The following REPS2 variants were observed in gnomAD, a reference collection of about 807,000 sequenced individuals.
REPS2 encodes RALBP1 associated Eps domain containing 2, also known as ralBP1-associated Eps domain-containing protein 2.
Under a neutral mutation model 53.6 loss-of-function variants are expected in REPS2, and 23 were observed. The observed-to-expected ratio is 0.43, with a 90% CI of 0.31 to 0.61. REPS2 has a LOEUF of 0.61. REPS2 is among the 20% of genes least tolerant of loss of function. The probability of loss-of-function intolerance (pLI) is 0.11; values close to 1 mark genes in which losing one functional copy is unlikely to be tolerated. For missense variants in REPS2, 446 were observed against 534.9 expected (o/e 0.83, Z 1.64); for synonymous variants, 238 against 218.6 (o/e 1.09, Z -0.78).
intron 2 of REPS2, among the ~76,000 whole-genome samples, chrX:17,020,631 C>CTT (rs11405255): frequency 1.7e-4 from 17 of 102,674 alleles, no homozygotes; most frequent in Non-Finnish European, 2.8e-4. Flanking sequence ...TTGCCTGCTT[C>CTT]TTTTTTTTTT....
the REPS2 span, among the ~76,000 whole-genome samples, chrX:17,181,035 GT>G: frequency 1.8e-5 from 2 of 111,830 alleles, no homozygotes; most frequent in Non-Finnish European, 3.8e-5. Context: ...CTCCCACTCA[GT>G]TCTTCCTTGC....
chrX:17,102,537 C>CTG (rs1485285538), intron 13 of REPS2, among the ~76,000 whole-genome samples: 1 of 112,245 alleles, frequency 8.9e-6, no homozygotes, highest in Non-Finnish European at 1.9e-5. Context: ...CTCACCACCT[C>CTG]TGGAGTTTTA....
At chrX:17,016,760 C>CTTTTTTT (rs139092298) in intron 2 of REPS2, among the ~76,000 whole-genome samples, 238 of 63,477 alleles carry the variant, frequency 3.7e-3, no homozygotes, top group Non-Finnish European at 5.8e-3. Context: ...TTTCTTTTTT[C>CTTTTTTT]TTTTTTTTTT....
chrX:17,030,861 C>T (rs764510191), intron 5 of REPS2, among the ~76,000 whole-genome samples: 1 of 111,945 alleles, frequency 8.9e-6, no homozygotes, highest in African/African-American at 3.2e-5. Flanking sequence ...ATTACTTTGT[C>T]CTACATTAGA....
At chrX:17,158,452 T>C in the REPS2 span, among the ~76,000 whole-genome samples, 30 of 111,506 alleles carry the variant, frequency 2.7e-4, no homozygotes, top group African/African-American at 9.8e-4. Context: ...TGCAGAAAAA[T>C]TAATTCAATA....
At chrX:17,007,792 A>G (rs1338070331) in intron 2 of REPS2, among the ~76,000 whole-genome samples, 1 of 111,872 alleles carries the variant, frequency 8.9e-6, no homozygotes, top group Non-Finnish European at 1.9e-5. Flanking sequence ...GCAAGTCTCT[A>G]CTATGGTTAT....
chrX:17,012,604 G>A (rs926201696), intron 2 of REPS2, among the ~76,000 whole-genome samples: 1 of 109,743 alleles, frequency 9.1e-6, no homozygotes, highest in African/African-American at 3.3e-5. Flanking sequence ...TAGTCCCTTT[G>A]GGAGCCTGTG....
chrX:17,001,179 T>C (rs1161920619), intron 1 of REPS2, among the ~76,000 whole-genome samples: 1 of 112,651 alleles, frequency 8.9e-6, no homozygotes. Flanking sequence ...CCTAGAAAAT[T>C]AGTATTTAAC....
rs1367930317 is a variant in REPS2 at position 17,135,327 on chromosome X, A to G, written c.1729A>G (p.Thr577Ala). The stretch of plus-strand genomic sequence containing the variant: ...GAAATTCAGACCAGAAAACCAAGCT[A>G]CAGAAAACCAAGAGCCTTCCACTGC... ...RRKFRPENQA[T>A]ENQEPSTAAS... The change falls in exon 16 of 18, where the codon ACA becomes GCA. Residue 577 changes from threonine to alanine, a missense_variant. Transcript: ENST00000357277. The G allele has an allele frequency of 1.7e-6, 2 of 1,211,906 alleles. No individual in the cohort carries two copies. The highest frequency in any genetic ancestry group is 2.2e-5 in the Admixed American group (1 of 46,090).
chrX:17,056,962 A>G (rs112983316), intron 8 of REPS2, among the ~76,000 whole-genome samples: 2,883 of 111,884 alleles, frequency 0.026, 99 homozygotes, highest in African/African-American at 0.09. Flanking sequence ...TTGGGAGAGT[A>G]GAAAAATTAA....
At chrX:16,990,563 T>C (rs2061150410) in intron 1 of REPS2, among the ~76,000 whole-genome samples, 1 of 107,501 alleles carries the variant, frequency 9.3e-6, no homozygotes, top group Non-Finnish European at 1.9e-5. Context: ...TGAGCTGAGA[T>C]TGTGCCACTG....
At chrX:16,997,372 T>A (rs2061246257) in intron 1 of REPS2, among the ~76,000 whole-genome samples, 1 of 112,338 alleles carries the variant, frequency 8.9e-6, no homozygotes, top group South Asian at 3.7e-4. Context: ...TCTTTCCTTC[T>A]AAACCAGTGG....
Position 17,148,509 on chromosome X carries a change from T to G in REPS2, c.*1028T>G, listed in dbSNP as rs773806062. ...ACCTGGATTGCAAATGTATGGGGTATGAGGAGATAATGAAAGAAAAGTGGT... is the reference window on the plus strand; with the variant it reads ...ACCTGGATTGCAAATGTATGGGGTAGGAGGAGATAATGAAAGAAAAGTGGT... On this transcript the variant is annotated 3_prime_UTR_variant, in exon 18 of 18. Coordinates refer to ENST00000357277, the MANE Select transcript of REPS2 (RefSeq NM_004726.3). The G allele has an allele frequency of 8.7e-6, 1 of 114,506 alleles. No individual in the cohort carries two copies. Among genetic ancestry groups the G allele is most frequent in the African/African-American group, 3.2e-5 (1 of 30,924 alleles). 9.4% of individuals were successfully genotyped at this position (114,506 alleles called of 1,213,427 possible).
intron 14 of REPS2, among the ~76,000 whole-genome samples, chrX:17,108,839 C>G (rs2062917061): frequency 9.1e-6 from 1 of 109,927 alleles, no homozygotes; most frequent in African/African-American, 3.3e-5. Context: ...TGATGAATAC[C>G]TTTAAGCTTA....
chrX:17,063,018 C>A (rs1463535350), intron 9 of REPS2, among the ~76,000 whole-genome samples: 3 of 112,059 alleles, frequency 2.7e-5, no homozygotes, highest in Non-Finnish European at 5.6e-5. Context: ...AGCTTTTGAA[C>A]CAAATGAGGA....
At chrX:17,038,928 C>T (rs2061798138) in intron 5 of REPS2, among the ~76,000 whole-genome samples, 1 of 112,111 alleles carries the variant, frequency 8.9e-6, no homozygotes, top group Admixed American at 9.4e-5. Context: ...AATTGGAACC[C>T]AAGTCTGTCT....
intron 1 of REPS2, among the ~76,000 whole-genome samples, chrX:16,948,701 C>G (rs2060471295): frequency 9.0e-6 from 1 of 111,722 alleles, no homozygotes; most frequent in South Asian, 3.7e-4. Flanking sequence ...GAAGGATTTC[C>G]TGATGTTAGA....
intron 13 of REPS2, among the ~76,000 whole-genome samples, chrX:17,102,114 ACT>A (rs1418236552): frequency 7.3e-5 from 8 of 109,430 alleles, no homozygotes; most frequent in African/African-American, 2.0e-4. Context: ...ACAGGGTCTC[ACT>A]CTGTTGCCTA....
chrX:17,185,499 C>T, the REPS2 span, among the ~76,000 whole-genome samples: 1 of 111,657 alleles, frequency 9.0e-6, no homozygotes, highest in Non-Finnish European at 1.9e-5. Context: ...GGCCCTGGTC[C>T]ATGGACTGGT....
Sources: allele counts gnomAD v4.1 joint callset (sites outside exome capture counted in the v4.1 genomes callset), GRCh38; gene constraint gnomAD v4.1.1; transcripts MANE v1.5; gene names NCBI Gene and HGNC (gene_info 2026-07-23, HGNC 2026-07-21).